Variants in ABLIM2 observed in about 807,000 individuals in gnomAD.
ABLIM2 encodes actin-binding LIM protein 2.
A neutral mutation model predicts 97.7 loss-of-function variants in ABLIM2; 53 were observed. That is an observed-to-expected ratio of 0.54 (90% CI 0.44 to 0.68). ABLIM2 has a LOEUF of 0.68. Ranked by LOEUF, ABLIM2 falls within the 30% of genes least tolerant of loss-of-function variation. ABLIM2 has a pLI of 0.00. For missense variants in ABLIM2, 835 were observed against 867.2 expected (o/e 0.96, Z 0.47); for synonymous variants, 361 against 345.8 (o/e 1.04, Z -0.49).
In ABLIM2 at chr4:8,128,747, G is replaced by A. The variant is rs957195988; in HGVS notation, c.11-22110C>T. Reference sequence around the variant, plus strand: ...GACAGGATTTGGAGGCGGGACCTTTGGGAGGAATTAGGTCTTGCAGGTGGA... The same window carrying A: ...GACAGGATTTGGAGGCGGGACCTTTAGGAGGAATTAGGTCTTGCAGGTGGA... On this transcript the variant is annotated intron_variant, in intron 1 of 20. Coordinates refer to ENST00000447017, the MANE Select transcript of ABLIM2 (RefSeq NM_001130083.2). The surrounding 1 kb of genome is among the most constrained non-coding windows in gnomAD (Gnocchi z 4.9). 3.9e-5 allele frequency among the ~76,000 whole-genome samples: 6 copies of A among 152,162 alleles called. No homozygotes were observed. The highest frequency in any genetic ancestry group is 6.5e-5 in the Admixed American group (1 of 15,278).
intron 16 of ABLIM2, among the ~76,000 whole-genome samples, chr4:7,995,445 T>G (rs1453884245): frequency 6.6e-6 from 1 of 152,202 alleles, no homozygotes; most frequent in Non-Finnish European, 1.5e-5. Flanking sequence ...GCAGGTTCTG[T>G]GCACAGAACT....
chr4:8,134,849 G>A (rs908785380), intron 1 of ABLIM2, among the ~76,000 whole-genome samples: 1 of 152,234 alleles, frequency 6.6e-6, no homozygotes, highest in Non-Finnish European at 1.5e-5. Context: ...TCCTCTTCCA[G>A]GAATATCCCT....
intron 7 of ABLIM2, among the ~76,000 whole-genome samples, chr4:8,059,928 C>A (rs1440785418): frequency 2.9e-4 from 21 of 73,386 alleles, no homozygotes; most frequent in Admixed American, 4.6e-4. Context: ...AAAAAAAAAA[C>A]CCCAAAAAAC....
At chr4:8,131,959 A>G (rs796510700) in intron 1 of ABLIM2, among the ~76,000 whole-genome samples, 262 of 139,894 alleles carry the variant, frequency 1.9e-3, no homozygotes, top group African/African-American at 7.3e-3. Flanking sequence ...CCCTGAGCAC[A>G]GCAGCCCGCA....
intron 8 of ABLIM2, among the ~76,000 whole-genome samples, chr4:8,049,578 G>A (rs905223225): frequency 4.6e-5 from 7 of 152,258 alleles, no homozygotes; most frequent in African/African-American, 7.2e-5. Context: ...TAACATCAAC[G>A]CAGACCTTAA....
At chr4:8,145,048 C>T (rs57300895) in intron 1 of ABLIM2, among the ~76,000 whole-genome samples, 2,792 of 152,228 alleles carry the variant, frequency 0.018, 75 homozygotes, top group African/African-American at 0.064. Context: ...GGTCGTGCCT[C>T]CTGTCTTATC....
intron 5 of ABLIM2, among the ~76,000 whole-genome samples, chr4:8,079,228 C>T (rs1243350326): frequency 6.6e-6 from 1 of 152,232 alleles, no homozygotes; most frequent in East Asian, 1.9e-4. Context: ...GACCTCAGGA[C>T]TCCCGTAATA....
rs575503090 is a variant in ABLIM2, at chr4:8,068,461, C to A, written c.676-7407G>T. 6.6e-6 allele frequency among the ~76,000 whole-genome samples: 1 copy of A among 152,172 alleles called. No homozygotes were observed. The highest frequency in any genetic ancestry group is 1.9e-4 in the East Asian group (1 of 5,182). On this transcript the variant is annotated intron_variant, in intron 6 of 20. Coordinates refer to ENST00000447017, the MANE Select transcript of ABLIM2 (RefSeq NM_001130083.2). This position sits in a 1 kb window ranked among gnomAD's most constrained non-coding sequence, Gnocchi z 4.5. ...ACTGTGACGTGCAGAATAGGGCCAG[C>A]AGGACAGAGGTGTGGCAAAGCTGTC...
intron 20 of ABLIM2, among the ~76,000 whole-genome samples, chr4:7,967,716 T>A (rs1724046759): frequency 6.6e-6 from 1 of 152,172 alleles, no homozygotes; most frequent in African/African-American, 2.4e-5. Flanking sequence ...AGCTTGGTGG[T>A]CAGGGCGTGG....
Position 7,992,951 on chromosome 4 carries a change from T to A in ABLIM2, c.1619-24A>T, listed in dbSNP as rs200683603. On this transcript the variant is annotated intron_variant, in intron 16 of 20. Coordinates refer to ENST00000447017, the MANE Select transcript of ABLIM2 (RefSeq NM_001130083.2). The surrounding 1 kb of genome is among the most constrained non-coding windows in gnomAD (Gnocchi z 5.7). ...TCCTGAAACAGACACAGCACAGCTTTGTCACGCGCGCAGACTCGGTGCAGC... is the reference window on the plus strand; with the variant it reads ...TCCTGAAACAGACACAGCACAGCTTAGTCACGCGCGCAGACTCGGTGCAGC... The A allele has an allele frequency of 7.3e-5, 118 of 1,610,738 alleles. No individual in the cohort carries two copies. The highest frequency in any genetic ancestry group is 1.5e-4 in the Admixed American group (9 of 59,814).
rs1482043555 is a variant in ABLIM2 at position 8,003,171 on chromosome 4, A to G, written c.1618+4888T>C. Among the ~76,000 whole-genome samples, 3 of 152,218 alleles carry G rather than the reference A, an allele frequency of 2.0e-5. No homozygotes were observed. The East Asian group carries it at 5.8e-4, about 29-fold the overall frequency. On this transcript the variant is annotated intron_variant, in intron 16 of 20. Transcript: ENST00000447017. This position sits in a 1 kb window ranked among gnomAD's most constrained non-coding sequence, Gnocchi z 4.2. The stretch of plus-strand genomic sequence containing the variant: ...CGGGCTCATCATATCCCATAAACCC[A>G]GTAAGATGAGAAGATCAAAAGTCAA...
At position 8,134,650 on chromosome 4, in the gene ABLIM2, C is replaced by T. The variant is rs184056188; in HGVS notation, c.10+24030G>A. Among the ~76,000 whole-genome samples, 662 of 152,280 alleles carry T rather than the reference C, an allele frequency of 4.3e-3. 4 individuals are homozygous for T. The highest frequency in any genetic ancestry group is 0.016 in the African/African-American group (649 of 41,536). ...AATGTGCCGGAAATGTATGAAAACGCTCTCAGGCTCCACAGTGCCAGGAAG... is the reference window on the plus strand; with the variant it reads ...AATGTGCCGGAAATGTATGAAAACGTTCTCAGGCTCCACAGTGCCAGGAAG... On this transcript the variant is annotated intron_variant, in intron 1 of 20. Transcript: ENST00000447017.
In ABLIM2 at chr4:8,033,181, C is replaced by T. The variant is rs4696733; in HGVS notation, c.1047+2968G>A. Among the ~76,000 whole-genome samples, 11,154 of 152,254 alleles carry T rather than the reference C, an allele frequency of 0.073. 724 individuals are homozygous for T. The highest frequency in any genetic ancestry group is 0.27 in the East Asian group (1,413 of 5,160). On this transcript the variant is annotated intron_variant, in intron 10 of 20. Coordinates refer to ENST00000447017, the MANE Select transcript of ABLIM2 (RefSeq NM_001130083.2). The surrounding 1 kb of genome is among the most constrained non-coding windows in gnomAD (Gnocchi z 4.5). ...AGGCTGACCCGTCTTCCCAGGCTGG[C>T]ACCCCATCCACCACCACCTGCACAT...
chr4:8,111,236 G>A (rs1840139620), intron 1 of ABLIM2, among the ~76,000 whole-genome samples: 1 of 152,264 alleles, frequency 6.6e-6, no homozygotes. Context: ...GCTGGAAGAA[G>A]CCTGGAAAGG....
At chr4:8,158,060 C>G (rs929349483) in intron 1 of ABLIM2, among the ~76,000 whole-genome samples, 15 of 152,230 alleles carry the variant, frequency 9.9e-5, no homozygotes, top group African/African-American at 3.1e-4. Context: ...CTGTCAGATC[C>G]CGGAGGGTGG....
chr4:8,074,490 C>T (rs887960509), intron 6 of ABLIM2, among the ~76,000 whole-genome samples: 1 of 152,084 alleles, frequency 6.6e-6, no homozygotes, highest in Non-Finnish European at 1.5e-5. Flanking sequence ...CCCATGTTTC[C>T]ACCTATCAAA....
At chr4:8,121,862 C>T (rs1845639154) in intron 1 of ABLIM2, among the ~76,000 whole-genome samples, 1 of 152,190 alleles carries the variant, frequency 6.6e-6, no homozygotes, top group Non-Finnish European at 1.5e-5. Flanking sequence ...AGGCAAACAC[C>T]AGGGACTGCA....
intron 20 of ABLIM2, among the ~76,000 whole-genome samples, chr4:7,976,902 C>T (rs1733804839): frequency 1.1e-5 from 1 of 91,118 alleles, no homozygotes; most frequent in Admixed American, 1.1e-4. Flanking sequence ...TACACACATA[C>T]ATGTACACAC....
intron 6 of ABLIM2, among the ~76,000 whole-genome samples, chr4:8,065,757 C>T (rs1470261010): frequency 6.6e-6 from 1 of 151,780 alleles, no homozygotes; most frequent in African/African-American, 2.4e-5. Flanking sequence ...AACGCCATCT[C>T]TACTAAAAAT....
Sources: allele counts gnomAD v4.1 joint callset (sites outside exome capture counted in the v4.1 genomes callset), GRCh38; gene constraint gnomAD v4.1.1; non-coding constraint Gnocchi (gnomAD v3.1); transcripts MANE v1.5; gene names NCBI Gene and HGNC (gene_info 2026-07-23, HGNC 2026-07-21).